Variants in GNAI1 observed in about 807,000 individuals in gnomAD.
GNAI1 encodes the protein G protein subunit alpha i1.
A neutral mutation model predicts 38.9 loss-of-function variants in GNAI1; 11 were observed. That is an observed-to-expected ratio of 0.28 (90% CI 0.18 to 0.47). GNAI1 has a LOEUF of 0.47. Among genes scored for constraint, GNAI1 ranks in the 20% least tolerant of loss-of-function variants. GNAI1 has a pLI of 0.99. For synonymous variants in GNAI1, 166 were observed against 145.1 expected (o/e 1.14, Z -1.04); for missense variants, 317 against 436.9 (o/e 0.73, Z 2.45).
At chr7:80,150,930 C>G (rs1787713562) in intron 1 of GNAI1, among the ~76,000 whole-genome samples, 1 of 152,174 alleles carries the variant, frequency 6.6e-6, no homozygotes, top group Non-Finnish European at 1.5e-5. Flanking sequence ...GTGCTTCCCA[C>G]CCTTCAGTCT....
chr7:80,195,125 G>A lies in GNAI1; in HGVS notation c.304-4100G>A, dbSNP rs530828031. Among the ~76,000 whole-genome samples the A allele has an allele frequency of 2.6e-5, 4 of 151,594 alleles. No homozygotes were observed. The South Asian group carries it at 8.3e-4, about 32-fold the overall frequency. On this transcript the variant is annotated intron_variant, in intron 3 of 7. Transcript: ENST00000649796. Reference sequence around the variant, plus strand: ...TTGACAAGTTCTCTTGTCAATACCAGGAACACTTAAATGTCAATATTTCTC... The same window carrying A: ...TTGACAAGTTCTCTTGTCAATACCAAGAACACTTAAATGTCAATATTTCTC...
chr7:80,149,459 A>G (rs1441895579), intron 1 of GNAI1, among the ~76,000 whole-genome samples: 3 of 152,116 alleles, frequency 2.0e-5, no homozygotes, highest in Non-Finnish European at 4.4e-5. Flanking sequence ...TACAGGAGGC[A>G]TGTGAAGCTG....
intron 3 of GNAI1, among the ~76,000 whole-genome samples, 175 bp downstream of exon 3, chr7:80,189,406 T>A (rs556662675): frequency 6.6e-6 from 1 of 152,312 alleles, no homozygotes; most frequent in South Asian, 2.1e-4. Flanking sequence ...TATTAGAATA[T>A]GTAGGATTGT....
At chr7:80,146,944 A>C (rs1160260965) in intron 1 of GNAI1, among the ~76,000 whole-genome samples, 1 of 152,340 alleles carries the variant, frequency 6.6e-6, no homozygotes, top group Admixed American at 6.5e-5. Context: ...AACTTCTTCT[A>C]ATGTCAATCT....
In GNAI1 at chr7:80,152,231, T is replaced by C. The variant is rs181095466; in HGVS notation, c.118+16953T>C. Among the ~76,000 whole-genome samples the C allele has an allele frequency of 5.5e-4, 84 of 152,340 alleles. No homozygotes were observed. The East Asian group carries it at 0.014, about 26-fold the overall frequency. Reference sequence around the variant, plus strand: ...CTCTCAGTCCTCTGTTATGCTTCTTTCCTTATGTTATTTCATGTGTGCATT... The same window carrying C: ...CTCTCAGTCCTCTGTTATGCTTCTTCCCTTATGTTATTTCATGTGTGCATT... On this transcript the variant is annotated intron_variant, in intron 1 of 7. Transcript: ENST00000649796.
chr7:80,154,790 G>A (rs1409617569), intron 1 of GNAI1, among the ~76,000 whole-genome samples: 1 of 152,164 alleles, frequency 6.6e-6, no homozygotes, highest in East Asian at 1.9e-4. Context: ...TTTGCAAGAA[G>A]TTGGTTTTGA....
intron 1 of GNAI1, among the ~76,000 whole-genome samples, chr7:80,159,352 C>A (rs536267924): frequency 2.0e-4 from 30 of 152,156 alleles, no homozygotes; most frequent in African/African-American, 6.7e-4. Flanking sequence ...ACATTGATAC[C>A]CTGTAGCCCC....
At chr7:80,159,496 A>G (rs1011819853) in intron 1 of GNAI1, among the ~76,000 whole-genome samples, 1 of 152,184 alleles carries the variant, frequency 6.6e-6, no homozygotes, top group Non-Finnish European at 1.5e-5. Context: ...AGTGTGATTG[A>G]CACATAATAA....
chr7:80,179,755 TG>T (rs992694100), intron 1 of GNAI1, among the ~76,000 whole-genome samples: 5 of 152,164 alleles, frequency 3.3e-5, no homozygotes, highest in African/African-American at 1.2e-4. Flanking sequence ...TCAGCACTGG[TG>T]GTGATTTACC....
In GNAI1 at chr7:80,223,333, A is replaced by AT. The variant is rs1449740818; in HGVS notation, c.*5844dup. On this transcript the variant is annotated 3_prime_UTR_variant, in exon 8 of 8. Coordinates refer to ENST00000649796, the MANE Select transcript of GNAI1 (RefSeq NM_002069.6). ...TTGTTTTTGCTAAATTAGACATACA[A>AT]TTTTGCAGTTATTTTTTACTAAGTT... is the stretch of plus-strand genomic sequence containing the variant. Among the ~76,000 whole-genome samples, 3 of 152,186 alleles carry AT rather than the reference A, an allele frequency of 2.0e-5. No homozygotes were observed. Among genetic ancestry groups the AT allele is most frequent in the African/African-American group, 7.2e-5 (3 of 41,456 alleles).
rs74889527 is a variant in GNAI1, at chr7:80,189,838, C to T, written c.303+607C>T. ...ATGGTACAGAGATTGCCATACAGCT[C>T]GTGGTAACCAAGGCACTATGCCTGT... On this transcript the variant is annotated intron_variant, in intron 3 of 7. Coordinates refer to ENST00000649796, the MANE Select transcript of GNAI1 (RefSeq NM_002069.6). Among the ~76,000 whole-genome samples, 307 of 152,228 alleles carry T rather than the reference C, an allele frequency of 2.0e-3. 10 individuals carry two copies. In the East Asian group the frequency reaches 0.048, roughly 24 times the overall value.
intron 3 of GNAI1, among the ~76,000 whole-genome samples, chr7:80,189,796 A>G (rs544412736): frequency 5.4e-4 from 83 of 152,310 alleles, no homozygotes; most frequent in Non-Finnish European, 1.2e-3. Context: ...GAAAGAAACT[A>G]GCACCCAGGA....
intron 6 of GNAI1, among the ~76,000 whole-genome samples, chr7:80,211,671 G>A (rs973640880): frequency 6.6e-6 from 1 of 151,972 alleles, no homozygotes; most frequent in African/African-American, 2.4e-5. Flanking sequence ...CACCCATCTC[G>A]GCCTCCCAAA....
intron 1 of GNAI1, among the ~76,000 whole-genome samples, chr7:80,176,172 T>G (rs1433845806): frequency 6.6e-6 from 1 of 152,192 alleles, no homozygotes; most frequent in Non-Finnish European, 1.5e-5. Context: ...ATTGCTGACA[T>G]GGAGAAAGTT....
chr7:80,215,058 T>C (rs1454012087), intron 7 of GNAI1, among the ~76,000 whole-genome samples: 1 of 152,160 alleles, frequency 6.6e-6, no homozygotes, highest in African/African-American at 2.4e-5. Context: ...TCTCTTCTCT[T>C]TCCCTTTTGA....
chr7:80,162,856 A>G (rs1300135234), intron 1 of GNAI1, among the ~76,000 whole-genome samples: 4 of 152,234 alleles, frequency 2.6e-5, no homozygotes, highest in African/African-American at 9.6e-5. Flanking sequence ...CCTTCAGTGA[A>G]GAGAAACCGC....
At chr7:80,214,981 T>TGGTC (rs918974765) in intron 7 of GNAI1, among the ~76,000 whole-genome samples, 20 of 152,188 alleles carry the variant, frequency 1.3e-4, no homozygotes, top group Non-Finnish European at 7.3e-5. Flanking sequence ...TTGGTTGGGT[T>TGGTC]GGTCGGTTGG....
In GNAI1 at chr7:80,224,285, T is replaced by C. The variant is rs183687389; in HGVS notation, c.*6792T>C. Among the ~76,000 whole-genome samples the C allele has an allele frequency of 4.6e-5, 7 of 152,320 alleles. No homozygotes were observed. The East Asian group carries it at 1.3e-3, about 29-fold the overall frequency. On this transcript the variant is annotated 3_prime_UTR_variant, in exon 8 of 8. Transcript: ENST00000649796. ...GAGCAGTCCTGCAATATTGGTAAAA[T>C]TTCCATTTTCTATATAAGGAAACAC...
At chr7:80,149,593 A>G (rs1787689418) in intron 1 of GNAI1, among the ~76,000 whole-genome samples, 1 of 152,126 alleles carries the variant, frequency 6.6e-6, no homozygotes, top group African/African-American at 2.4e-5. Flanking sequence ...GAGGGGCAGT[A>G]GAAGGACTAT....
Sources: gnomAD v4.1 joint callset for allele counts (sites outside exome capture counted in the v4.1 genomes callset) on GRCh38, gnomAD v4.1.1 for gene constraint, MANE v1.5 for transcripts, NCBI Gene and HGNC (gene_info 2026-07-23, HGNC 2026-07-21) for gene names.